The following SERTAD2 variants were observed in gnomAD, a reference collection of about 807,000 sequenced individuals.
SERTAD2 encodes SERTA domain containing 2, also known as SERTA domain-containing protein 2.
SERTAD2 carries 2 observed loss-of-function variants against 15.4 expected under a neutral mutation model. That is an observed-to-expected ratio of 0.13 (90% CI 0.05 to 0.41). SERTAD2 has a LOEUF of 0.41. SERTAD2 is among the 10% of genes least tolerant of loss of function. The pLI is 0.99. For synonymous variants in SERTAD2, 180 were observed against 178.0 expected (o/e 1.01, Z -0.09); for missense variants, 333 against 409.7 (o/e 0.81, Z 1.62).
intron 1 of SERTAD2, among the ~76,000 whole-genome samples, chr2:64,652,413 T>C (rs1675031746): frequency 6.6e-6 from 1 of 152,192 alleles, no homozygotes; most frequent in Non-Finnish European, 1.5e-5. Flanking sequence ...CAAAGCCCAC[T>C]TCACTCTTGT....
Position 64,636,061 on chromosome 2 carries a change from T to A in SERTAD2, c.811A>T (p.Met271Leu). 1.2e-6 allele frequency: 2 copies of A among 1,614,128 alleles called. No homozygotes were observed. The highest frequency in any genetic ancestry group is 1.7e-6 in the Non-Finnish European group (2 of 1,180,014). The change falls in exon 2 of 2, where the codon ATG becomes TTG. Residue 271 changes from methionine to leucine, a missense_variant. This residue lies in a region of SERTAD2 where 332 missense variants were observed against 392.9 expected (regional missense o/e 0.84). Transcript: ENST00000313349. ...AGGTCGTCGGCAGACACAGGGGCCATTTTTGAGGCTGTCCCTGATGAGGAA... is the reference window on the plus strand; with the variant it reads ...AGGTCGTCGGCAGACACAGGGGCCAATTTTGAGGCTGTCCCTGATGAGGAA... ...CTSSSGTASK[M>L]APVSADDLLK...
chr2:64,640,844 G>C (rs1674762235), intron 1 of SERTAD2, among the ~76,000 whole-genome samples: 1 of 152,296 alleles, frequency 6.6e-6, no homozygotes. Flanking sequence ...CTCCCACGTG[G>C]AGGAATCACG....
intron 1 of SERTAD2, among the ~76,000 whole-genome samples, chr2:64,637,731 T>C (rs1294801542): frequency 6.6e-6 from 1 of 152,246 alleles, no homozygotes; most frequent in Non-Finnish European, 1.5e-5. Context: ...GAGGAAACCA[T>C]GACCTCATAT....
chr2:64,638,104 C>T (rs1558652350), intron 1 of SERTAD2, among the ~76,000 whole-genome samples: 2 of 152,230 alleles, frequency 1.3e-5, no homozygotes, highest in South Asian at 2.1e-4. Context: ...CTCACCGTCC[C>T]CGCCTCCAGC....
In SERTAD2 at chr2:64,636,880, A is replaced by G. The variant is rs377763658; in HGVS notation, c.-4-5T>C. 6.4e-7 allele frequency: 1 copy of G among 1,574,190 alleles called. No homozygotes were observed. Among genetic ancestry groups the G allele is most frequent in the East Asian group, 2.2e-5 (1 of 44,480 alleles). On this transcript the variant is annotated splice_region_variant and splice_polypyrimidine_tract_variant and intron_variant, in intron 1 of 1. Transcript: ENST00000313349. ...CCTCCTTTACCCAACATATATCTGC[A>G]GAGGGGAGAGAGAGGAAATGGCATT...
chr2:64,636,055 G>A lies in SERTAD2; in HGVS notation c.817C>T (p.Pro273Ser). ...TTGAGGAGGTCGTCGGCAGACACAG[G>A]GGCCATTTTTGAGGCTGTCCCTGAT... ...SSSGTASKMA[P>S]VSADDLLKTL... Residue 273 changes from proline (P) to serine (S), a missense_variant, in exon 2 of 2, where the codon CCT becomes TCT. Transcript: ENST00000313349. 6.2e-7 allele frequency: 1 copy of A among 1,614,102 alleles called. No individual in the cohort carries two copies. The highest frequency in any genetic ancestry group is 8.5e-7 in the Non-Finnish European group (1 of 1,180,022).
At chr2:64,638,981 T>C (rs1674716896) in intron 1 of SERTAD2, among the ~76,000 whole-genome samples, 1 of 152,206 alleles carries the variant, frequency 6.6e-6, no homozygotes, top group Non-Finnish European at 1.5e-5. Context: ...GACAACTGGG[T>C]TTTGAAACAT....
At chr2:64,647,307 T>C (rs928726305) in intron 1 of SERTAD2, among the ~76,000 whole-genome samples, 1 of 152,320 alleles carries the variant, frequency 6.6e-6, no homozygotes, top group East Asian at 1.9e-4. Flanking sequence ...ATTTGAATTG[T>C]GATACTACTT....
Position 64,633,749 on chromosome 2 carries a change from G to A in SERTAD2, c.*2178C>T, listed in dbSNP as rs1558649820. 2 of 152,232 alleles carry A rather than the reference G, an allele frequency of 1.3e-5. No individual in the cohort carries two copies. The highest frequency in any genetic ancestry group is 3.8e-4 in the East Asian group (2 of 5,200). The allele number at this position is 152,232 out of a possible 1,614,324, so 9.4% of individuals were successfully genotyped here. On this transcript the variant is annotated 3_prime_UTR_variant, in exon 2 of 2. Transcript: ENST00000313349. ...TAAAGGAAATGACACACCTGTAGCA[G>A]TACGAGGTGTCTGCGTGGAGGTTGC... is the stretch of plus-strand genomic sequence containing the variant.
chr2:64,641,414 T>C (rs1008407825), intron 1 of SERTAD2, among the ~76,000 whole-genome samples: 1 of 152,154 alleles, frequency 6.6e-6, no homozygotes, highest in Non-Finnish European at 1.5e-5. Flanking sequence ...TGTAGCCTAT[T>C]TGAAAGTTAC....
rs1030801139 is a variant in SERTAD2, at chr2:64,632,804, T to C, written c.*3123A>G. The C allele has an allele frequency of 6.7e-6, 1 of 150,064 alleles. No homozygotes were observed. The highest frequency in any genetic ancestry group is 1.5e-5 in the Non-Finnish European group (1 of 67,880). 9.3% of individuals were successfully genotyped at this position (150,064 alleles called of 1,614,324 possible). On this transcript the variant is annotated 3_prime_UTR_variant, in exon 2 of 2. Transcript: ENST00000313349. ...ACATTCCTACCATACATTCTGCACATGTTACGATCCAGATGTTAGCGCTCC... is the reference window on the plus strand; with the variant it reads ...ACATTCCTACCATACATTCTGCACACGTTACGATCCAGATGTTAGCGCTCC...
chr2:64,642,826 T>C (rs898578235), intron 1 of SERTAD2, among the ~76,000 whole-genome samples: 1 of 152,208 alleles, frequency 6.6e-6, no homozygotes, highest in Non-Finnish European at 1.5e-5. Flanking sequence ...CAAAAAAAGA[T>C]GCAAAAGTCT....
Position 64,634,204 on chromosome 2 carries a change from T to C in SERTAD2, c.*1723A>G, listed in dbSNP as rs1299837015. On this transcript the variant is annotated 3_prime_UTR_variant, in exon 2 of 2. Coordinates refer to ENST00000313349, the MANE Select transcript of SERTAD2 (RefSeq NM_014755.3). ...AAGCCATCTGCATAACAATATAGGT[T>C]GTAACCTGCACTCAACAGCTAAAGT... is the stretch of plus-strand genomic sequence containing the variant. The C allele has an allele frequency of 6.6e-6, 1 of 152,144 alleles. No homozygotes were observed. Among genetic ancestry groups the C allele is most frequent in the African/African-American group, 2.4e-5 (1 of 41,428 alleles). The allele number at this position is 152,144 out of a possible 1,614,324, so 9.4% of individuals were successfully genotyped here. A position where few individuals can be genotyped will look rare whatever the true frequency, so the allele number is the denominator to read the frequency against.
chr2:64,643,687 T>C (rs1674827169), intron 1 of SERTAD2, among the ~76,000 whole-genome samples: 1 of 152,070 alleles, frequency 6.6e-6, no homozygotes. Context: ...GCTAACACGG[T>C]GAAACCCCAT....
intron 1 of SERTAD2, among the ~76,000 whole-genome samples, chr2:64,642,758 G>A (rs3770713): frequency 4.6e-5 from 7 of 152,162 alleles, no homozygotes; most frequent in African/African-American, 1.4e-4. Context: ...GTAGGAGGCC[G>A]CACAGGGAGC....
intron 1 of SERTAD2, among the ~76,000 whole-genome samples, chr2:64,639,031 T>C (rs1368367602): frequency 6.6e-6 from 1 of 152,266 alleles, no homozygotes; most frequent in African/African-American, 2.4e-5. Flanking sequence ...TTGCTTATAA[T>C]TTAAGCATTT....
At chr2:64,649,714 T>C (rs1389521865) in intron 1 of SERTAD2, among the ~76,000 whole-genome samples, 2 of 152,252 alleles carry the variant, frequency 1.3e-5, no homozygotes, top group Non-Finnish European at 2.9e-5. Context: ...CTGGAGTTAC[T>C]AGAGAAACAA....
intron 1 of SERTAD2, among the ~76,000 whole-genome samples, chr2:64,650,919 C>T (rs576739712): frequency 6.6e-6 from 1 of 152,298 alleles, no homozygotes; most frequent in South Asian, 2.1e-4. Flanking sequence ...CACAACTGAT[C>T]TTTGGACTCA....
chr2:64,636,714 G>A lies in SERTAD2; in HGVS notation c.158C>T (p.Pro53Leu). 1 of 1,614,174 alleles carries A rather than the reference G, an allele frequency of 6.2e-7. No individual in the cohort carries two copies. Among genetic ancestry groups the A allele is most frequent in the East Asian group, 2.2e-5 (1 of 44,888 alleles). ...CTTTTGCAAGCTGGGCTCTGTCAGG[G>A]GCCTGTGGTTATAGAGTTTCATAAG... ...ISLMKLYNHRPLTEPSLQKTV... is the reference protein window; with the variant it reads ...ISLMKLYNHRLLTEPSLQKTV... The change falls in exon 2 of 2, where the codon CCC becomes CTC. Residue 53 changes from proline (P) to leucine (L), a missense_variant. Physicochemically the swap from Pro to Leu is moderately conservative, Grantham distance 98. Transcript: ENST00000313349.
Sources: gnomAD v4.1 joint callset for allele counts (sites outside exome capture counted in the v4.1 genomes callset) on GRCh38, gnomAD v4.1.1 for gene constraint, gnomAD v4.1.1 regional missense constraint, MANE v1.5 for transcripts, NCBI Gene and HGNC (gene_info 2026-07-23, HGNC 2026-07-21) for gene names.